HLCS: variants seen among roughly 807,000 people sequenced by gnomAD.
The protein encoded by HLCS is biotin--protein ligase.
In HLCS, 53 loss-of-function variants were observed where a neutral mutation model predicts 75.0. The ratio of observed to expected loss-of-function variants is 0.71; its 90% CI spans 0.57 to 0.89. HLCS has a LOEUF of 0.89. Ranked by LOEUF, HLCS falls within the 40% of genes least tolerant of loss-of-function variation. The pLI is 0.00. For synonymous variants in HLCS, 431 were observed against 428.6 expected, an observed-to-expected ratio of 1.01 and a Z score of -0.07; for missense variants, 966 against 1,074.0, an observed-to-expected ratio of 0.90 and a Z score of 1.41.
At chr21:36,901,589 C>T (rs556879790) in intron 5 of HLCS, among the ~76,000 whole-genome samples, 5 of 152,310 alleles carry the variant, frequency 3.3e-5, no homozygotes, top group Non-Finnish European at 7.3e-5. Flanking sequence ...CTAGTGTTCA[C>T]GCCTTTGCTT....
chr21:36,775,489 A>C (rs1329939997), intron 6 of HLCS, among the ~76,000 whole-genome samples: 6 of 152,214 alleles, frequency 3.9e-5, no homozygotes, highest in Admixed American at 6.5e-5. Context: ...GCATAGAGAG[A>C]AATATTCATG....
At chr21:36,787,997 A>C (rs1374168573) in intron 6 of HLCS, among the ~76,000 whole-genome samples, 2 of 152,118 alleles carry the variant, frequency 1.3e-5, no homozygotes, top group Non-Finnish European at 2.9e-5. Context: ...CTCTGGGTTG[A>C]CTTGAGTCTG....
chr21:36,796,515 A>C (rs2061030245), intron 6 of HLCS, among the ~76,000 whole-genome samples: 1 of 152,200 alleles, frequency 6.6e-6, no homozygotes, highest in African/African-American at 2.4e-5. Context: ...AATCTGTTTT[A>C]GATGTATAAG....
chr21:36,983,021 G>A lies in HLCS; in HGVS notation c.-393+7137C>T, dbSNP rs185449896. On this transcript the variant is annotated intron_variant, in intron 1 of 11. Transcript: ENST00000336648. ...TGCACTACAGCCTGGGCGACACAGC[G>A]AGACTCCGTCTCAAAAAAAAAACAA... Among the ~76,000 whole-genome samples, 850 of 151,710 alleles carry A rather than the reference G, an allele frequency of 5.6e-3. 4 individuals are homozygous for A. Among genetic ancestry groups the A allele is most frequent in the African/African-American group, 0.02 (813 of 41,378 alleles).
intron 6 of HLCS, among the ~76,000 whole-genome samples, chr21:36,835,225 C>T (rs905246290): frequency 6.6e-6 from 1 of 152,174 alleles, no homozygotes; most frequent in Non-Finnish European, 1.5e-5. Flanking sequence ...TTCCTAAATA[C>T]AGTCATAAAG....
intron 6 of HLCS, among the ~76,000 whole-genome samples, chr21:36,866,235 A>T (rs1469653644): frequency 6.6e-6 from 1 of 152,216 alleles, no homozygotes; most frequent in African/African-American, 2.4e-5. Context: ...GAAGGGCAGA[A>T]ATGCTGGAAA....
chr21:36,888,435 AAAAAAAAAAAATATATATATATATAT>A (rs1326449641), intron 6 of HLCS, among the ~76,000 whole-genome samples: 34 of 24,910 alleles, frequency 1.4e-3, no homozygotes, highest in African/African-American at 3.6e-3. Context: ...TCCCATTTAA[AAAAAAAAAAAATATATATATATATAT>A]ATATATATAT....
chr21:36,751,042 T>C lies in HLCS; in HGVS notation c.*3204A>G, dbSNP rs1272529705. ...GTCAAAAAAAAAAACACTTGGCTTC[T>C]TAATACTTGGAAATACGTACATATT... is the stretch of plus-strand genomic sequence containing the variant. On this transcript the variant is annotated 3_prime_UTR_variant, in exon 11 of 11. Coordinates refer to ENST00000674895, the MANE Select transcript of HLCS (RefSeq NM_001352514.2). 1.3e-5 allele frequency: 2 copies of C among 152,288 alleles called. No individual in the cohort carries two copies. Among genetic ancestry groups the C allele is most frequent in the Non-Finnish European group, 2.9e-5 (2 of 68,012 alleles). The allele number at this position is 152,288 out of a possible 1,614,324, so 9.4% of individuals were successfully genotyped here.
At chr21:36,839,255 T>A (rs2062532373) in intron 6 of HLCS, among the ~76,000 whole-genome samples, 1 of 152,138 alleles carries the variant, frequency 6.6e-6, no homozygotes, top group Non-Finnish European at 1.5e-5. Context: ...ATGACACACT[T>A]CTCCGTGTTG....
At chr21:36,762,203 C>T (rs2089873000) in intron 8 of HLCS, among the ~76,000 whole-genome samples, 3 of 152,210 alleles carry the variant, frequency 2.0e-5, no homozygotes, top group African/African-American at 7.2e-5. Context: ...TTCAAAGCCA[C>T]ACGTGGTGGA....
At chr21:36,931,729 A>C (rs1223660900) in intron 4 of HLCS, among the ~76,000 whole-genome samples, 1 of 150,912 alleles carries the variant, frequency 6.6e-6, no homozygotes, top group East Asian at 1.9e-4. Flanking sequence ...AGCCTGGGCA[A>C]CAAAGTGCGA....
At chr21:36,863,094 T>C (rs1479707206) in intron 6 of HLCS, among the ~76,000 whole-genome samples, 1 of 151,848 alleles carries the variant, frequency 6.6e-6, no homozygotes, top group Admixed American at 6.6e-5. Flanking sequence ...ATTCCCCAAA[T>C]CCCATGAGAC....
At chr21:36,770,772 G>T (rs1309988476) in intron 6 of HLCS, among the ~76,000 whole-genome samples, 1 of 151,900 alleles carries the variant, frequency 6.6e-6, no homozygotes, top group Non-Finnish European at 1.5e-5. Flanking sequence ...ACAGGGTTTG[G>T]TAGAGCCCAG....
At chr21:36,800,401 C>T (rs2061163438) in intron 6 of HLCS, among the ~76,000 whole-genome samples, 1 of 152,142 alleles carries the variant, frequency 6.6e-6, no homozygotes, top group African/African-American at 2.4e-5. Flanking sequence ...GACTCTGTGA[C>T]CAAGCTCTCC....
Position 36,748,732 on chromosome 21 carries a change from T to C in HLCS, c.*5514A>G, listed in dbSNP as rs896400449. On this transcript the variant is annotated 3_prime_UTR_variant, in exon 11 of 11. Transcript: ENST00000674895. The stretch of plus-strand genomic sequence containing the variant: ...TCCATTTTGTGTCTGTGAACATAGG[T>C]GTGCTTCCCAAATACATTAACAAGC... The C allele has an allele frequency of 2.0e-5, 3 of 152,666 alleles. No individual in the cohort carries two copies. Among genetic ancestry groups the C allele is most frequent in the South Asian group, 2.1e-4 (1 of 4,828 alleles). The allele number at this position is 152,666 out of a possible 1,614,324, so 9.5% of individuals were successfully genotyped here. A position where few individuals can be genotyped will look rare whatever the true frequency, so the allele number is the denominator to read the frequency against.
At chr21:36,764,709 AAAAT>A (rs920148647) in intron 8 of HLCS, among the ~76,000 whole-genome samples, 23 of 152,234 alleles carry the variant, frequency 1.5e-4, no homozygotes, top group Non-Finnish European at 2.9e-5. Context: ...TGTCTCAATT[AAAAT>A]AAATAAATAA....
At chr21:36,772,900 G>C (rs1232196106) in intron 6 of HLCS, among the ~76,000 whole-genome samples, 1 of 148,616 alleles carries the variant, frequency 6.7e-6, no homozygotes, top group Non-Finnish European at 1.5e-5. Context: ...AAAATGGCTT[G>C]AACCTGGGAG....
Position 36,930,361 on chromosome 21 carries a change from T to G in HLCS, c.1510A>C (p.Asn504His), listed in dbSNP as rs748848234. The change falls in exon 5 of 11, where the codon AAT becomes CAT. Residue 504 changes from asparagine (N) to histidine (H), a missense_variant. Coordinates refer to ENST00000674895, the MANE Select transcript of HLCS (RefSeq NM_001352514.2). ...PEDFNLLKSS[N>H]FRRYEVLREI... Reference sequence around the variant, plus strand: ...CTAAGGACTTCGTATCTTCTAAAATTGCTTGACTTGAGCAAGTTAAAATCT... The same window carrying G: ...CTAAGGACTTCGTATCTTCTAAAATGGCTTGACTTGAGCAAGTTAAAATCT... The G allele has an allele frequency of 6.2e-7, 1 of 1,614,182 alleles. No homozygotes were observed. The highest frequency in any genetic ancestry group is 1.7e-5 in the Admixed American group (1 of 60,016).
chr21:36,837,003 G>A (rs1234222987), intron 6 of HLCS, among the ~76,000 whole-genome samples: 1 of 152,112 alleles, frequency 6.6e-6, no homozygotes, highest in African/African-American at 2.4e-5. Flanking sequence ...GGCCAACATG[G>A]TGAAACCCCA....
Sources: allele counts gnomAD v4.1 joint callset (sites outside exome capture counted in the v4.1 genomes callset), GRCh38; gene constraint gnomAD v4.1.1; transcripts MANE v1.5; gene names NCBI Gene and HGNC (gene_info 2026-07-23, HGNC 2026-07-21).